The following SNTG1 variants were observed in gnomAD, a reference collection of about 807,000 sequenced individuals.
The protein encoded by SNTG1 is gamma-1-syntrophin.
SNTG1 carries 39 observed loss-of-function variants against 74.7 expected under a neutral mutation model. The ratio of observed to expected loss-of-function variants is 0.52; its 90% CI spans 0.40 to 0.68. The LOEUF (loss-of-function observed/expected upper bound fraction) is 0.68, where lower values mean the gene tolerates loss of function less well. Ranked by LOEUF, SNTG1 falls within the 30% of genes least tolerant of loss-of-function variation. The probability of loss-of-function intolerance (pLI) is 0.00; values close to 1 mark genes in which losing one functional copy is unlikely to be tolerated. For missense variants in SNTG1, 685 were observed against 609.5 expected (o/e 1.12, Z -1.30); for synonymous variants, 254 against 217.1 (o/e 1.17, Z -1.49).
chr8:50,073,768 G>T (rs111445869), intron 1 of SNTG1, among the ~76,000 whole-genome samples: 1 of 151,774 alleles, frequency 6.6e-6, no homozygotes, highest in Non-Finnish European at 1.5e-5. Context: ...GGGTATTCAC[G>T]TGCATTATCA....
At chr8:49,989,331 A>T (rs1440140814) in intron 1 of SNTG1, among the ~76,000 whole-genome samples, 1 of 151,970 alleles carries the variant, frequency 6.6e-6, no homozygotes, top group Non-Finnish European at 1.5e-5. Context: ...CTGTATACAA[A>T]TAAATTCAAT....
At chr8:50,411,154 C>T (rs754514320) in intron 4 of SNTG1, among the ~76,000 whole-genome samples, 1 of 151,876 alleles carries the variant, frequency 6.6e-6, no homozygotes, top group Non-Finnish European at 1.5e-5. Context: ...GCAAATAAGA[C>T]TAAGAAAAGG....
chr8:50,752,100 A>G lies in SNTG1; in HGVS notation c.1384A>G (p.Ile462Val). The stretch of plus-strand genomic sequence containing the variant: ...GTTTCAGAATCCAGATACTAAACAG[A>G]TTGAAGCAAAGGTAAACCCAAGAAA... ...FLFQNPDTKQ[I>V]EAKELEFSNL... The change falls in exon 18 of 19, where the codon ATT becomes GTT. Residue 462 changes from isoleucine to valine, a missense_variant. Physicochemically the swap from Ile to Val is conservative, Grantham distance 29. Transcript: ENST00000642720. The G allele has an allele frequency of 6.5e-7, 1 of 1,545,880 alleles. No homozygotes were observed. Among genetic ancestry groups the G allele is most frequent in the Middle Eastern group, 1.7e-4 (1 of 5,828 alleles).
At chr8:50,789,878 T>C (rs896959475) in intron 18 of SNTG1, among the ~76,000 whole-genome samples, 1 of 151,984 alleles carries the variant, frequency 6.6e-6, no homozygotes, top group Non-Finnish European at 1.5e-5. Flanking sequence ...ATGCAAAGTG[T>C]TTTCTTTGAT....
intron 1 of SNTG1, among the ~76,000 whole-genome samples, chr8:49,979,639 A>C (rs1812500600): frequency 6.6e-6 from 1 of 152,076 alleles, no homozygotes; most frequent in African/African-American, 2.4e-5. Context: ...GTCGCGCTCT[A>C]GGGCCATTGC....
chr8:49,971,364 T>C (rs944925250), intron 1 of SNTG1, among the ~76,000 whole-genome samples: 8 of 152,066 alleles, frequency 5.3e-5, no homozygotes, highest in Admixed American at 4.6e-4. Context: ...ACGGGACGTA[T>C]CTCAAAATAA....
At chr8:50,274,246 C>A (rs1165396197) in intron 2 of SNTG1, among the ~76,000 whole-genome samples, 1 of 151,954 alleles carries the variant, frequency 6.6e-6, no homozygotes, top group Non-Finnish European at 1.5e-5. Flanking sequence ...GCCACCATGC[C>A]AGGCTAATTT....
At chr8:50,453,640 T>C (rs2093476156) in intron 8 of SNTG1, among the ~76,000 whole-genome samples, 1 of 152,230 alleles carries the variant, frequency 6.6e-6, no homozygotes, top group Admixed American at 6.5e-5. Flanking sequence ...TTAATAAATG[T>C]TATGGGAATG....
chr8:49,941,986 A>G (rs1563375385), intron 1 of SNTG1, among the ~76,000 whole-genome samples: 1 of 152,228 alleles, frequency 6.6e-6, no homozygotes, highest in Non-Finnish European at 1.5e-5. Context: ...ATGAAAAGGT[A>G]TACAATCTAG....
chr8:50,281,300 C>T (rs144027653), intron 2 of SNTG1, among the ~76,000 whole-genome samples: 1,637 of 152,236 alleles, frequency 0.011, 7 homozygotes, highest in Non-Finnish European at 0.016. Flanking sequence ...TGAGGCCTGT[C>T]TAACCCTCAC....
chr8:49,972,063 T>C (rs1462520834), intron 1 of SNTG1, among the ~76,000 whole-genome samples: 4 of 152,108 alleles, frequency 2.6e-5, no homozygotes, highest in Non-Finnish European at 4.4e-5. Flanking sequence ...GCTAAGTCAA[T>C]CCTAAGCCAA....
chr8:50,401,784 T>C (rs2092809289), intron 3 of SNTG1, among the ~76,000 whole-genome samples: 1 of 152,156 alleles, frequency 6.6e-6, no homozygotes, highest in Admixed American at 6.5e-5. Context: ...TAAAATTGAT[T>C]ACAGTGATGG....
chr8:50,612,264 A>G (rs892141513), intron 13 of SNTG1, among the ~76,000 whole-genome samples: 2 of 152,174 alleles, frequency 1.3e-5, no homozygotes, highest in African/African-American at 2.4e-5. Context: ...GTAGTGAAAT[A>G]TACAGGATCT....
chr8:50,227,462 C>G (rs989851785), intron 2 of SNTG1, among the ~76,000 whole-genome samples: 1 of 152,116 alleles, frequency 6.6e-6, no homozygotes, highest in Non-Finnish European at 1.5e-5. Context: ...GTATCAAATG[C>G]AGAATGGTAT....
chr8:50,526,603 ATGTGTG>A (rs143910529), intron 9 of SNTG1, among the ~76,000 whole-genome samples: 2,960 of 149,546 alleles, frequency 0.02, 111 homozygotes, highest in African/African-American at 0.069. Context: ...CAGCATATAT[ATGTGTG>A]TGTGTGTGTG....
At chr8:50,011,305 T>A (rs1201053382) in intron 1 of SNTG1, among the ~76,000 whole-genome samples, 1 of 152,130 alleles carries the variant, frequency 6.6e-6, no homozygotes, top group Non-Finnish European at 1.5e-5. Context: ...AAATACCCCG[T>A]TAAAGATTCT....
At chr8:50,222,279 A>C (rs758639411) in intron 2 of SNTG1, among the ~76,000 whole-genome samples, 7 of 152,206 alleles carry the variant, frequency 4.6e-5, no homozygotes, top group Non-Finnish European at 7.4e-5. Flanking sequence ...AGATTTATAA[A>C]GGCAGTATAG....
At position 49,934,363 on chromosome 8, in the gene SNTG1, T is replaced by A. The variant is rs142332766; in HGVS notation, c.-103+22132T>A. Among the ~76,000 whole-genome samples, 15 of 152,212 alleles carry A rather than the reference T, an allele frequency of 9.9e-5. No homozygotes were observed. The East Asian group carries it at 2.3e-3, about 24-fold the overall frequency. On this transcript the variant is annotated intron_variant, in intron 1 of 18. Coordinates refer to ENST00000642720, the MANE Select transcript of SNTG1 (RefSeq NM_018967.5). The stretch of plus-strand genomic sequence containing the variant: ...CTCAACCCACCTATCTACCTATCTA[T>A]TTATCATATCATTTTTGTAATATTA...
intron 1 of SNTG1, among the ~76,000 whole-genome samples, chr8:49,934,432 T>A (rs541051774): frequency 6.6e-6 from 1 of 152,276 alleles, no homozygotes; most frequent in South Asian, 2.1e-4. Context: ...GAATGGTATT[T>A]TCAAATTAGG....
Sources: gnomAD v4.1 joint callset for allele counts (sites outside exome capture counted in the v4.1 genomes callset) on GRCh38, gnomAD v4.1.1 for gene constraint, MANE v1.5 for transcripts, NCBI Gene and HGNC (gene_info 2026-07-23, HGNC 2026-07-21) for gene names.